Variants in DRC8 observed in about 807,000 individuals in gnomAD.
DRC8 encodes dynein regulatory complex subunit 8.
At chr1:245,066,939 G>A in the DRC8 span, among the ~76,000 whole-genome samples, 3 of 151,856 alleles carry the variant, frequency 2.0e-5, no homozygotes, top group African/African-American at 7.3e-5. Flanking sequence ...AAATGCAACT[G>A]GATTAAACTC....
the DRC8 span, among the ~76,000 whole-genome samples, chr1:244,993,175 TAAAC>T: frequency 1.3e-5 from 2 of 152,202 alleles, no homozygotes; most frequent in Non-Finnish European, 2.9e-5. Context: ...ATTGGTGACA[TAAAC>T]TAACCCTATA....
the DRC8 span, among the ~76,000 whole-genome samples, chr1:245,061,212 A>G: frequency 3.3e-5 from 5 of 152,202 alleles, no homozygotes; most frequent in Non-Finnish European, 7.3e-5. Context: ...GTATAATAAC[A>G]TGAAAATGTT....
chr1:244,970,616 C>T, the DRC8 span: 1 of 683,846 alleles, frequency 1.5e-6, no homozygotes, highest in Non-Finnish European at 2.2e-6. Flanking sequence ...CCCCCGTCCC[C>T]GTAGCCCGCC....
the DRC8 span, among the ~76,000 whole-genome samples, chr1:245,090,118 C>A: frequency 6.6e-6 from 1 of 152,056 alleles, no homozygotes; most frequent in Admixed American, 6.5e-5. Flanking sequence ...TTGTCATGTG[C>A]GTGAGGTGGA....
chr1:245,115,947 C>T, the DRC8 span, among the ~76,000 whole-genome samples: 4 of 149,696 alleles, frequency 2.7e-5, no homozygotes, highest in South Asian at 2.1e-4. Flanking sequence ...AGTGCAGTGG[C>T]GTGATCTCAG....
the DRC8 span, among the ~76,000 whole-genome samples, chr1:244,994,516 G>T: frequency 6.6e-6 from 1 of 151,898 alleles, no homozygotes; most frequent in South Asian, 2.1e-4. Flanking sequence ...TGTAACCTCC[G>T]CCTCCTGGGC....
the DRC8 span, among the ~76,000 whole-genome samples, chr1:245,027,172 C>T: frequency 4.2e-4 from 64 of 152,084 alleles, no homozygotes; most frequent in Non-Finnish European, 6.2e-4. Context: ...TTATCATGGT[C>T]CTTTTGATGA....
the DRC8 span, among the ~76,000 whole-genome samples, chr1:245,077,900 A>G: frequency 1.3e-5 from 2 of 152,232 alleles, no homozygotes; most frequent in African/African-American, 4.8e-5. Flanking sequence ...AAGTTTCTGC[A>G]TGCAAAAGAA....
chr1:244,984,127 T>TTG, the DRC8 span, among the ~76,000 whole-genome samples: 2 of 147,370 alleles, frequency 1.4e-5, no homozygotes, highest in African/African-American at 4.9e-5. Context: ...GCTAATTTTT[T>TTG]TGGGGGGGGG....
the DRC8 span, among the ~76,000 whole-genome samples, chr1:245,032,696 G>A: frequency 4.0e-3 from 613 of 152,246 alleles, 5 homozygotes; most frequent in Non-Finnish European, 7.2e-3. Flanking sequence ...ATTAGCTGGG[G>A]GTATGTAACT....
chr1:245,050,728 C>G, the DRC8 span, among the ~76,000 whole-genome samples: 1 of 152,096 alleles, frequency 6.6e-6, no homozygotes, highest in Non-Finnish European at 1.5e-5. Context: ...ACGGTGTACT[C>G]TATACTTGTG....
At chr1:245,080,487 C>T in the DRC8 span, among the ~76,000 whole-genome samples, 1 of 152,146 alleles carries the variant, frequency 6.6e-6, no homozygotes, top group Admixed American at 6.5e-5. Flanking sequence ...TCCTTGAGAT[C>T]GTGATTGGTC....
chr1:244,991,964 T>G, the DRC8 span, among the ~76,000 whole-genome samples: 1 of 152,162 alleles, frequency 6.6e-6, no homozygotes, highest in Non-Finnish European at 1.5e-5. Context: ...CCTTTAACAT[T>G]TTGTGAGTAT....
the DRC8 span, among the ~76,000 whole-genome samples, chr1:245,108,343 A>T: frequency 6.6e-6 from 1 of 152,204 alleles, no homozygotes; most frequent in Admixed American, 6.5e-5. Flanking sequence ...CGTTTTTTGA[A>T]TTCACTGCAA....
chr1:245,087,182 T>G, the DRC8 span: 2 of 1,573,806 alleles, frequency 1.3e-6, no homozygotes, highest in Non-Finnish European at 1.7e-6. Flanking sequence ...TTAAGCTGGC[T>G]AGTGGAAAGA....
chr1:245,060,835 G>A, the DRC8 span, among the ~76,000 whole-genome samples: 1 of 152,256 alleles, frequency 6.6e-6, no homozygotes, highest in Non-Finnish European at 1.5e-5. Flanking sequence ...ATCTCTATCA[G>A]GAGTTAGCAA....
the DRC8 span, among the ~76,000 whole-genome samples, chr1:244,982,901 AAAAAT>A: frequency 6.6e-6 from 1 of 151,892 alleles, no homozygotes; most frequent in Non-Finnish European, 1.5e-5. Context: ...TGTCTGTACT[AAAAAT>A]AAAAATACAA....
chr1:245,047,801 G>A, the DRC8 span, among the ~76,000 whole-genome samples: 13 of 151,758 alleles, frequency 8.6e-5, no homozygotes, highest in Admixed American at 5.3e-4. Flanking sequence ...GTGAAACCTC[G>A]TCTCTACTAA....
chr1:245,053,151 C>T, the DRC8 span, among the ~76,000 whole-genome samples: 4 of 152,036 alleles, frequency 2.6e-5, no homozygotes, highest in Non-Finnish European at 4.4e-5. Context: ...TTGGAAACTG[C>T]GACTTTAAAT....
Sources: gnomAD v4.1 joint callset for allele counts (sites outside exome capture counted in the v4.1 genomes callset) on GRCh38, gnomAD v4.1.1 for gene constraint, MANE v1.5 for transcripts, NCBI Gene and HGNC (gene_info 2026-07-23, HGNC 2026-07-21) for gene names.